BUB1B: variants seen among roughly 807,000 people sequenced by gnomAD.
The protein encoded by BUB1B is BUB1 mitotic checkpoint serine/threonine kinase B.
Under a neutral mutation model 137.7 loss-of-function variants are expected in BUB1B, and 86 were observed. The ratio of observed to expected loss-of-function variants is 0.62; its 90% CI spans 0.52 to 0.75. The LOEUF (loss-of-function observed/expected upper bound fraction) is 0.75. BUB1B is among the 30% of genes least tolerant of loss of function. The pLI, the probability that BUB1B is intolerant of heterozygous loss-of-function variation, is 0.00. For missense variants in BUB1B, 1,130 were observed against 1,236.9 expected, an observed-to-expected ratio of 0.91 and a Z score of 1.30; for synonymous variants, 420 against 417.9, an observed-to-expected ratio of 1.00 and a Z score of -0.06.
At chr15:40,191,450 C>T (rs2037436956) in intron 8 of BUB1B, among the ~76,000 whole-genome samples, 1 of 152,150 alleles carries the variant, frequency 6.6e-6, no homozygotes, top group East Asian at 1.9e-4. Flanking sequence ...CTTTTGAAGA[C>T]CAAAAGTTAT....
intron 16 of BUB1B, among the ~76,000 whole-genome samples, 190 bp from the exon 17 acceptor site, chr15:40,209,445 G>T (rs2037681372): frequency 6.6e-6 from 1 of 152,216 alleles, no homozygotes; most frequent in Admixed American, 6.5e-5. Context: ...CATAAATTGT[G>T]AAATTTCTAG....
At chr15:40,202,518 A>T in intron 13 of BUB1B, 53 bp downstream of exon 13, 1 of 1,594,396 alleles carries the variant, frequency 6.3e-7, no homozygotes, top group Non-Finnish European at 8.6e-7. Context: ...ATTTTCTGTT[A>T]TTATAAGTGA....
intron 2 of BUB1B, among the ~76,000 whole-genome samples, chr15:40,169,667 G>C (rs2037139520): frequency 7.5e-6 from 1 of 132,648 alleles, no homozygotes; most frequent in South Asian, 2.4e-4. Context: ...AGGCTGGAGT[G>C]CAGTGCTGCA....
chr15:40,209,905 G>T, intron 17 of BUB1B, 130 bp downstream of exon 17: 1 of 1,182,592 alleles, frequency 8.5e-7, no homozygotes, highest in Non-Finnish European at 1.2e-6. Context: ...CAATATAGAG[G>T]ATGACACATC....
At chr15:40,219,086 A>G (rs2037847867) in intron 22 of BUB1B, among the ~76,000 whole-genome samples, 2 of 151,756 alleles carry the variant, frequency 1.3e-5, no homozygotes, top group Non-Finnish European at 2.9e-5. Flanking sequence ...TCATTTTTGT[A>G]TTTTTAGTAG....
At position 40,185,346 on chromosome 15, in the gene BUB1B, C is replaced by A; in HGVS notation, c.933C>A (p.Gly311=). Residue 311 remains glycine (G), a synonymous_variant, in exon 7 of 23, where the codon GGC becomes GGA. Transcript: ENST00000287598. ...PRAKENELQA[G]PWNTGRSLEH... ...CCAAAGAGAATGAGCTGCAAGCAGG[C>A]CCTTGGAACACAGGCAGGTCCTTGG... 1 of 1,614,138 alleles carries A rather than the reference C, an allele frequency of 6.2e-7. No homozygotes were observed. The highest frequency in any genetic ancestry group is 8.5e-7 in the Non-Finnish European group (1 of 1,180,018).
chr15:40,211,024 C>G (rs1444184197), intron 18 of BUB1B, among the ~76,000 whole-genome samples: 1 of 151,926 alleles, frequency 6.6e-6, no homozygotes, highest in African/African-American at 2.4e-5. Flanking sequence ...ATTATTTTTC[C>G]CCTCAGTTTT....
rs868457799 is a variant in BUB1B at position 40,200,370 on chromosome 15, A to G, written c.1517+11A>G. 1.2e-6 allele frequency: 2 copies of G among 1,603,344 alleles called. No individual in the cohort carries two copies. The highest frequency in any genetic ancestry group is 1.1e-5 in the South Asian group (1 of 90,742). On this transcript the variant is annotated intron_variant, in intron 11 of 22. Transcript: ENST00000287598. ...AAACTGTTGTGCCAGGTAAGACTAC[A>G]TAGGTGGAAGGGACAATGCATATAG...
In BUB1B at chr15:40,165,089, G is replaced by A; in HGVS notation, c.72G>A (p.Leu24=). 1 of 1,614,200 alleles carries A rather than the reference G, an allele frequency of 6.2e-7. No individual in the cohort carries two copies. Among genetic ancestry groups the A allele is most frequent in the African/African-American group, 1.3e-5 (1 of 75,048 alleles). Residue 24 remains leucine (L), a synonymous_variant, in exon 2 of 23, where the codon CTG becomes CTA. Coordinates refer to ENST00000287598, the MANE Select transcript of BUB1B (RefSeq NM_001211.6). ...AMSLEGDEWE[L]SKENVQPLRQ... is the part of the protein sequence containing the mutation. ...CCCTGGAGGGAGATGAATGGGAACT[G>A]AGTAAAGAAAATGTACAACCTTTAA...
chr15:40,219,202 G>A (rs2037851008), intron 22 of BUB1B, among the ~76,000 whole-genome samples: 1 of 152,184 alleles, frequency 6.6e-6, no homozygotes, highest in Admixed American at 6.5e-5. Context: ...GAGCCACCGT[G>A]TCTGGCCTAA....
At position 40,166,639 on chromosome 15, in the gene BUB1B, A is replaced by T. The variant is rs571267812; in HGVS notation, c.179+1443A>T. Among the ~76,000 whole-genome samples the T allele has an allele frequency of 2.0e-5, 3 of 152,312 alleles. No individual in the cohort carries two copies. The East Asian group carries it at 5.8e-4, about 29-fold the overall frequency. ...ACAGGCGTGAGCCACCGCGCCCAGC[A>T]GTAGACATAATTTTCATTTCCCTTG... On this transcript the variant is annotated intron_variant, in intron 2 of 22. Coordinates refer to ENST00000287598, the MANE Select transcript of BUB1B (RefSeq NM_001211.6).
chr15:40,166,969 A>G (rs2037106348), intron 2 of BUB1B, among the ~76,000 whole-genome samples: 1 of 151,918 alleles, frequency 6.6e-6, no homozygotes, highest in Non-Finnish European at 1.5e-5. Context: ...CCCAGTTTTC[A>G]AATTGTGTTG....
intron 2 of BUB1B, among the ~76,000 whole-genome samples, chr15:40,168,607 A>C (rs2037128102): frequency 6.6e-6 from 1 of 152,330 alleles, no homozygotes; most frequent in African/African-American, 2.4e-5. Flanking sequence ...TGCTTGATTA[A>C]TCTTTCTGAA....
chr15:40,167,517 T>G (rs1187562078), intron 2 of BUB1B, among the ~76,000 whole-genome samples: 1 of 152,024 alleles, frequency 6.6e-6, no homozygotes, highest in African/African-American at 2.4e-5. Flanking sequence ...TAATTTTTTG[T>G]ATTTTTAGTA....
intron 8 of BUB1B, among the ~76,000 whole-genome samples, chr15:40,193,468 CTT>C (rs555918648): frequency 3.8e-5 from 3 of 79,730 alleles, no homozygotes; most frequent in African/African-American, 1.0e-4. Flanking sequence ...CTTATTACCA[CTT>C]TTTTTTTTTT....
chr15:40,161,439 A>G (rs2037041844), intron 1 of BUB1B, among the ~76,000 whole-genome samples, 184 bp downstream of exon 1: 1 of 152,196 alleles, frequency 6.6e-6, no homozygotes, highest in African/African-American at 2.4e-5. Flanking sequence ...GACTGAGGGC[A>G]CGTGCGAATC....
intron 8 of BUB1B, among the ~76,000 whole-genome samples, chr15:40,186,612 T>A (rs1218256329): frequency 7.1e-6 from 1 of 139,968 alleles, no homozygotes; most frequent in Non-Finnish European, 1.6e-5. Context: ...GCCCAGCTAA[T>A]TTTTTTTTTT....
At chr15:40,174,139 C>T (rs1044627826) in intron 4 of BUB1B, among the ~76,000 whole-genome samples, 16 of 152,094 alleles carry the variant, frequency 1.1e-4, no homozygotes, top group South Asian at 2.1e-4. Flanking sequence ...GGCTGTCCCA[C>T]GCACAAGAAC....
intron 8 of BUB1B, among the ~76,000 whole-genome samples, chr15:40,189,893 G>A (rs1434244986): frequency 6.6e-6 from 1 of 152,074 alleles, no homozygotes; most frequent in Non-Finnish European, 1.5e-5. Context: ...TTTGGTTATT[G>A]TCATTCTAAC....
Sources: allele counts gnomAD v4.1 joint callset (sites outside exome capture counted in the v4.1 genomes callset), GRCh38; gene constraint gnomAD v4.1.1; transcripts MANE v1.5; gene names NCBI Gene and HGNC (gene_info 2026-07-23, HGNC 2026-07-21).